The following TMEM132D variants were observed in gnomAD, a reference collection of about 807,000 sequenced individuals.
TMEM132D encodes mature OL transmembrane protein.
In TMEM132D, 21 loss-of-function variants were observed where a neutral mutation model predicts 62.3. The observed-to-expected ratio is 0.34, with a 90% CI of 0.24 to 0.49. The LOEUF is 0.49. Among genes scored for constraint, TMEM132D ranks in the 20% least tolerant of loss-of-function variants. The pLI, the probability that TMEM132D is intolerant of heterozygous loss-of-function variation, is 0.99. For missense variants in TMEM132D, 1,346 were observed against 1,402.8 expected, an observed-to-expected ratio of 0.96 and a Z score of 0.65; for synonymous variants, 621 against 575.6, an observed-to-expected ratio of 1.08 and a Z score of -1.13.
intron 2 of TMEM132D, among the ~76,000 whole-genome samples, chr12:129,570,147 T>C (rs889352496): frequency 5.3e-5 from 8 of 152,234 alleles, no homozygotes; most frequent in African/African-American, 1.9e-4. Context: ...CCAGTGAAGA[T>C]GCTTGTGGCT....
chr12:129,512,557 T>C (rs149752421), intron 3 of TMEM132D, among the ~76,000 whole-genome samples: 15 of 152,356 alleles, frequency 9.8e-5, no homozygotes, highest in African/African-American at 3.6e-4. Flanking sequence ...ATTTATTAGC[T>C]ATACAGTTTC....
At chr12:129,192,407 T>C (rs947347228) in intron 5 of TMEM132D, among the ~76,000 whole-genome samples, 1 of 152,246 alleles carries the variant, frequency 6.6e-6, no homozygotes, top group Non-Finnish European at 1.5e-5. Flanking sequence ...CATTATGTGA[T>C]ACTTGTTTTT....
At chr12:129,730,606 A>G (rs1479125166) in intron 1 of TMEM132D, among the ~76,000 whole-genome samples, 1 of 152,054 alleles carries the variant, frequency 6.6e-6, no homozygotes, top group Non-Finnish European at 1.5e-5. Flanking sequence ...AAGGATGCAA[A>G]GTATCGTTCC....
Position 129,116,918 on chromosome 12 carries a change from C to CAAA in TMEM132D, c.1444-32219_1444-32217dup, listed in dbSNP as rs60513263. Among the ~76,000 whole-genome samples, 30 of 59,044 alleles carry CAAA rather than the reference C, an allele frequency of 5.1e-4. 3 individuals carry two copies. The highest frequency in any genetic ancestry group is 1.7e-3 in the African/African-American group (25 of 14,920). 38.7% of individuals were successfully genotyped at this position (59,044 alleles called of 152,430 possible). A position where few individuals can be genotyped will look rare whatever the true frequency, so the allele number is the denominator to read the frequency against. On this transcript the variant is annotated intron_variant, in intron 5 of 8. Coordinates refer to ENST00000422113, the MANE Select transcript of TMEM132D (RefSeq NM_133448.3). ...TACCCAAATGAGCTGAAAATTTCCG[C>CAAA]AAAAAAAAAAAAAAAAAAAAAAAAA... is the stretch of plus-strand genomic sequence containing the variant.
intron 1 of TMEM132D, among the ~76,000 whole-genome samples, chr12:129,775,409 G>T (rs1375421748): frequency 6.6e-6 from 1 of 152,162 alleles, no homozygotes; most frequent in Non-Finnish European, 1.5e-5. Flanking sequence ...AACCAGGCAT[G>T]GGAGAGCCAC....
chr12:129,480,638 T>A (rs1033738671), intron 3 of TMEM132D, among the ~76,000 whole-genome samples: 5 of 152,162 alleles, frequency 3.3e-5, no homozygotes, highest in African/African-American at 1.2e-4. Flanking sequence ...AACCCCACAC[T>A]CCATCTTCCT....
intron 1 of TMEM132D, among the ~76,000 whole-genome samples, chr12:129,780,221 C>T (rs1439061074): frequency 1.3e-5 from 2 of 151,606 alleles, no homozygotes; most frequent in Non-Finnish European, 2.9e-5. Flanking sequence ...CCCCGTCCCG[C>T]TGTGTGCTGG....
At chr12:129,729,851 CCT>C (rs1409598864) in intron 1 of TMEM132D, among the ~76,000 whole-genome samples, 3 of 152,264 alleles carry the variant, frequency 2.0e-5, no homozygotes, top group Admixed American at 2.0e-4. Flanking sequence ...AATGTAAGGT[CCT>C]CTGAGCTGGC....
intron 3 of TMEM132D, among the ~76,000 whole-genome samples, chr12:129,501,181 C>A (rs1463875768): frequency 6.6e-6 from 1 of 152,098 alleles, no homozygotes; most frequent in Non-Finnish European, 1.5e-5. Context: ...TTTAAAATGA[C>A]AACCAAAGTG....
At chr12:129,288,686 C>T (rs536163302) in intron 4 of TMEM132D, among the ~76,000 whole-genome samples, 8 of 152,182 alleles carry the variant, frequency 5.3e-5, no homozygotes, top group South Asian at 4.2e-4. Flanking sequence ...CTATGCAAAA[C>T]GGTAAGGAGG....
chr12:129,121,208 G>A (rs1593268187), intron 5 of TMEM132D, among the ~76,000 whole-genome samples: 1 of 152,092 alleles, frequency 6.6e-6, no homozygotes, highest in Admixed American at 6.5e-5. Flanking sequence ...CGATTCTCCT[G>A]CCTCAGCCTC....
intron 5 of TMEM132D, among the ~76,000 whole-genome samples, chr12:129,161,414 A>G (rs1481184369): frequency 6.6e-6 from 1 of 152,220 alleles, no homozygotes; most frequent in Non-Finnish European, 1.5e-5. Context: ...TTCCATGGAC[A>G]TTTAGTATCG....
chr12:129,094,324 C>G (rs1240128906), intron 5 of TMEM132D, among the ~76,000 whole-genome samples: 5 of 152,166 alleles, frequency 3.3e-5, no homozygotes, highest in African/African-American at 4.8e-5. Context: ...TGAACTCAAA[C>G]AAATTTACAA....
chr12:129,631,749 A>G (rs1321090152), intron 2 of TMEM132D, among the ~76,000 whole-genome samples: 2 of 152,184 alleles, frequency 1.3e-5, no homozygotes, highest in Non-Finnish European at 2.9e-5. Context: ...TCGTCACGGA[A>G]TAGGTGTGGA....
intron 2 of TMEM132D, among the ~76,000 whole-genome samples, chr12:129,566,894 A>G (rs1405030823): frequency 3.9e-5 from 6 of 152,226 alleles, no homozygotes; most frequent in Non-Finnish European, 8.8e-5. Context: ...TAACTCTTTC[A>G]ACAAATTGCC....
At chr12:129,593,022 C>G (rs536289670) in intron 2 of TMEM132D, among the ~76,000 whole-genome samples, 103 of 152,140 alleles carry the variant, frequency 6.8e-4, no homozygotes, top group African/African-American at 2.2e-3. Flanking sequence ...CAAATTGATG[C>G]CACATGGAGG....
intron 2 of TMEM132D, among the ~76,000 whole-genome samples, chr12:129,633,447 C>T (rs1298056368): frequency 2.0e-5 from 3 of 152,120 alleles, no homozygotes; most frequent in Admixed American, 6.5e-5. Flanking sequence ...TGAATAGGCA[C>T]ATAAGTAGAA....
At chr12:129,711,728 C>CAAA (rs1333520514) in intron 1 of TMEM132D, among the ~76,000 whole-genome samples, 2 of 45,418 alleles carry the variant, frequency 4.4e-5, no homozygotes, top group African/African-American at 1.0e-4. Flanking sequence ...ATTCCATCTC[C>CAAA]AAAAAAAAAA....
At chr12:129,590,714 G>A (rs1878163621) in intron 2 of TMEM132D, among the ~76,000 whole-genome samples, 3 of 152,176 alleles carry the variant, frequency 2.0e-5, no homozygotes, top group Non-Finnish European at 4.4e-5. Flanking sequence ...GAGCTCAATG[G>A]CAACAGGGCT....
Sources: gnomAD v4.1 joint callset for allele counts (sites outside exome capture counted in the v4.1 genomes callset) on GRCh38, gnomAD v4.1.1 for gene constraint, MANE v1.5 for transcripts, NCBI Gene and HGNC (gene_info 2026-07-23, HGNC 2026-07-21) for gene names.